Variants in ASTN1 observed in about 807,000 individuals in gnomAD.
ASTN1 encodes astrotactin 1, also known as astrotactin-1.
ASTN1 carries 41 observed loss-of-function variants against 140.7 expected under a neutral mutation model. That is an observed-to-expected ratio of 0.29 (90% CI 0.23 to 0.38). The LOEUF is 0.38. Ranked by LOEUF, ASTN1 falls within the 10% of genes least tolerant of loss-of-function variation. The pLI is 1.00. For synonymous variants in ASTN1, 640 were observed against 652.2 expected (o/e 0.98, Z 0.29); for missense variants, 1,479 against 1,678.8 (o/e 0.88, Z 2.08).
chr1:177,020,327 C>T (rs904867132), intron 7 of ASTN1, among the ~76,000 whole-genome samples: 23 of 152,248 alleles, frequency 1.5e-4, no homozygotes, highest in Admixed American at 9.2e-4. Context: ...AAAATCAAGG[C>T]GTCTATAGAG....
Position 177,164,693 on chromosome 1 carries a change from C to G in ASTN1, c.-17G>C. ...TAAAGCCATCTTGAGCCCCGGCCGC[C>G]TTCCTCCTAGCGCTGCGATGGTGGG... is the stretch of plus-strand genomic sequence containing the variant. On this transcript the variant is annotated 5_prime_UTR_variant, in exon 1 of 23. Coordinates refer to ENST00000361833, the MANE Select transcript of ASTN1 (RefSeq NM_004319.3). The G allele has an allele frequency of 6.5e-7, 1 of 1,538,652 alleles. No individual in the cohort carries two copies. The highest frequency in any genetic ancestry group is 1.8e-4 in the Middle Eastern group (1 of 5,474).
chr1:176,860,743 C>T (rs1557916309), downstream of ASTN1, among the ~76,000 whole-genome samples: 1 of 152,146 alleles, frequency 6.6e-6, no homozygotes, highest in Non-Finnish European at 1.5e-5. Context: ...CCATAGGATG[C>T]CACGCTCTCT....
chr1:177,059,889 C>T (rs934510512), intron 2 of ASTN1, among the ~76,000 whole-genome samples: 6 of 152,262 alleles, frequency 3.9e-5, no homozygotes, highest in African/African-American at 9.6e-5. Flanking sequence ...TAATCTACAC[C>T]CTCCCATATA....
intron 7 of ASTN1, among the ~76,000 whole-genome samples, chr1:177,018,542 A>T (rs1191808271): frequency 2.0e-5 from 3 of 152,210 alleles, no homozygotes; most frequent in Admixed American, 6.5e-5. Context: ...GATTTCAGTG[A>T]ACGTCTTGGA....
At chr1:177,123,182 G>T (rs1681483963) in intron 1 of ASTN1, among the ~76,000 whole-genome samples, 1 of 152,206 alleles carries the variant, frequency 6.6e-6, no homozygotes, top group Admixed American at 6.5e-5. Flanking sequence ...TGCATGCTGA[G>T]TAGAATGGAT....
chr1:176,957,646 A>G, intron 11 of ASTN1, 32 bp downstream of exon 11: 5 of 1,608,968 alleles, frequency 3.1e-6, no homozygotes, highest in Non-Finnish European at 4.2e-6. Context: ...CCATCCTCAA[A>G]CAGAAACTAC....
intron 14 of ASTN1, among the ~76,000 whole-genome samples, chr1:176,942,444 A>G (rs1671758145): frequency 6.6e-6 from 1 of 152,116 alleles, no homozygotes; most frequent in African/African-American, 2.4e-5. Context: ...TCACATTTTT[A>G]ACATAACTTG....
In ASTN1 at chr1:176,894,603, C is replaced by T; in HGVS notation, c.2899G>A (p.Ala967Thr). 2 of 1,614,064 alleles carry T rather than the reference C, an allele frequency of 1.2e-6. No homozygotes were observed. Among genetic ancestry groups the T allele is most frequent in the East Asian group, 2.2e-5 (1 of 44,848 alleles). Reference protein sequence around the residue: ...EPVLLEVTKAAPIYELVTNNQ... With the variant: ...EPVLLEVTKATPIYELVTNNQ... ...TTGGTCACTAGTTCATAGATGGGGG[C>T]TGCTTTGGTCACCTCCAGCAGAACC... The change falls in exon 17 of 23, where the codon GCC becomes ACC. Residue 967 changes from alanine to threonine, a missense_variant. This residue lies in a region of ASTN1 where 746 missense variants were observed against 800.9 expected (regional missense o/e 0.93). Transcript: ENST00000361833.
intron 16 of ASTN1, among the ~76,000 whole-genome samples, chr1:176,932,763 G>A (rs1671262792): frequency 6.6e-6 from 1 of 152,220 alleles, no homozygotes; most frequent in South Asian, 2.1e-4. Context: ...ACACTGCATT[G>A]CTTGGGAGAG....
intron 2 of ASTN1, among the ~76,000 whole-genome samples, chr1:177,045,152 A>G (rs1677157214): frequency 6.6e-6 from 1 of 152,214 alleles, no homozygotes; most frequent in Non-Finnish European, 1.5e-5. Context: ...ACTCTGATCC[A>G]TAGACATATC....
chr1:176,893,249 TCAG>T (rs1669345076), intron 17 of ASTN1, among the ~76,000 whole-genome samples: 1 of 152,110 alleles, frequency 6.6e-6, no homozygotes, highest in Non-Finnish European at 1.5e-5. Flanking sequence ...TCTTAGGGTA[TCAG>T]CAGCAGCAGC....
At chr1:176,902,684 G>A (rs968211663) in intron 16 of ASTN1, among the ~76,000 whole-genome samples, 1 of 152,132 alleles carries the variant, frequency 6.6e-6, no homozygotes, top group African/African-American at 2.4e-5. Context: ...ATGAGAGGTT[G>A]GGTCAAAGAA....
At chr1:176,971,127 G>C (rs1310516091) in intron 8 of ASTN1, among the ~76,000 whole-genome samples, 1 of 152,116 alleles carries the variant, frequency 6.6e-6, no homozygotes, top group Non-Finnish European at 1.5e-5. Context: ...TTGCAAGAAG[G>C]GTGTAGTGAA....
At chr1:177,081,115 G>A (rs1679160207) in intron 1 of ASTN1, among the ~76,000 whole-genome samples, 1 of 152,106 alleles carries the variant, frequency 6.6e-6, no homozygotes, top group Non-Finnish European at 1.5e-5. Flanking sequence ...CTTTTATAGA[G>A]AAAATGCATT....
chr1:176,897,253 C>G (rs112011896), intron 16 of ASTN1, among the ~76,000 whole-genome samples: 2 of 121,286 alleles, frequency 1.6e-5, no homozygotes, highest in Non-Finnish European at 3.2e-5. Context: ...CCAGCCTGGG[C>G]TACAGAGCAA....
In ASTN1 at chr1:176,929,774, C is replaced by T. The variant is rs542826835; in HGVS notation, c.2671+4378G>A. On this transcript the variant is annotated intron_variant, in intron 16 of 22. Transcript: ENST00000361833. ...CAGTAATCCCAGCACTTTGGGAGGC[C>T]GAGGCAGGTGGATCATGAGGTCAAG... Among the ~76,000 whole-genome samples the T allele has an allele frequency of 8.5e-5, 13 of 152,210 alleles. 1 individual carries two copies. Among genetic ancestry groups the T allele is most frequent in the Admixed American group, 7.8e-4 (12 of 15,292 alleles).
intron 5 of ASTN1, among the ~76,000 whole-genome samples, chr1:177,025,781 A>G (rs1484090217): frequency 6.6e-6 from 1 of 152,216 alleles, no homozygotes; most frequent in East Asian, 1.9e-4. Context: ...GATCTGTAAG[A>G]GTTGACGCTC....
At position 176,965,143 on chromosome 1, in the gene ASTN1, G is replaced by A. The variant is rs879523101; in HGVS notation, c.1598+20C>T. On this transcript the variant is annotated intron_variant, in intron 9 of 22. Coordinates refer to ENST00000361833, the MANE Select transcript of ASTN1 (RefSeq NM_004319.3). The stretch of plus-strand genomic sequence containing the variant: ...AGGGTTTGCAGACGTACATAAGCAA[G>A]TCCCTAGACAATCACTTACCTAAAT... 12 of 1,610,524 alleles carry A rather than the reference G, an allele frequency of 7.5e-6. No homozygotes were observed. Among genetic ancestry groups the A allele is most frequent in the Middle Eastern group, 1.6e-4 (1 of 6,070 alleles).
In ASTN1 at chr1:176,932,580, G is replaced by A. The variant is rs1671255640; in HGVS notation, c.2671+1572C>T. 2.0e-5 allele frequency among the ~76,000 whole-genome samples: 3 copies of A among 152,338 alleles called. No individual in the cohort carries two copies. The South Asian group carries it at 6.2e-4, about 32-fold the overall frequency. The stretch of plus-strand genomic sequence containing the variant: ...AATGTTTGAATGCCTTTTAAGATTA[G>A]TAACAAGCAAGGAGCTTAATATAGA... On this transcript the variant is annotated intron_variant, in intron 16 of 22. Transcript: ENST00000361833.
Sources: allele counts gnomAD v4.1 joint callset (sites outside exome capture counted in the v4.1 genomes callset), GRCh38; gene constraint gnomAD v4.1.1; regional missense constraint gnomAD v4.1.1; transcripts MANE v1.5; gene names NCBI Gene and HGNC (gene_info 2026-07-23, HGNC 2026-07-21).